Variants in CYB5R4 observed in about 807,000 individuals in gnomAD.
The protein encoded by CYB5R4 is N-terminal cytochrome b5 and cytochrome b5 oxidoreductase domain-containing protein.
A neutral mutation model predicts 70.2 loss-of-function variants in CYB5R4; 55 were observed. The observed-to-expected ratio is 0.78, with a 90% CI of 0.63 to 0.98. The LOEUF (loss-of-function observed/expected upper bound fraction) is 0.98, where lower values mean the gene tolerates loss of function less well. Among genes scored for constraint, CYB5R4 ranks in the 50% least tolerant of loss-of-function variants. CYB5R4 has a pLI of 0.00. For missense variants in CYB5R4, 562 were observed against 612.6 expected (o/e 0.92, Z 0.87); for synonymous variants, 197 against 199.5 (o/e 0.99, Z 0.11).
chr6:83,957,921 TGTG>T (rs983721480), intron 15 of CYB5R4, among the ~76,000 whole-genome samples: 2 of 152,178 alleles, frequency 1.3e-5, no homozygotes. Context: ...TCTTAATGGA[TGTG>T]GTGTATTTTT....
chr6:83,884,160 A>G (rs1302484294), intron 2 of CYB5R4, among the ~76,000 whole-genome samples: 1 of 151,912 alleles, frequency 6.6e-6, no homozygotes, highest in Non-Finnish European at 1.5e-5. Flanking sequence ...ATAGTTTATA[A>G]TAATTATCTA....
At chr6:83,891,239 G>C (rs560622831) in intron 2 of CYB5R4, among the ~76,000 whole-genome samples, 2 of 152,302 alleles carry the variant, frequency 1.3e-5, no homozygotes, top group South Asian at 4.2e-4. Flanking sequence ...AAGCCGCCAT[G>C]CCTGGCCTAA....
In CYB5R4 at chr6:83,937,475, G is replaced by A. The variant is rs188657609; in HGVS notation, c.1108+1099G>A. Among the ~76,000 whole-genome samples the A allele has an allele frequency of 6.6e-5, 10 of 152,158 alleles. No homozygotes were observed. In the East Asian group the frequency reaches 1.4e-3, roughly 21 times the overall value. ...ACTTATCTTTGTATTTCCACCACCTGGCATGGCAGTTGGTACATAATAGGC... is the reference window on the plus strand; with the variant it reads ...ACTTATCTTTGTATTTCCACCACCTAGCATGGCAGTTGGTACATAATAGGC... On this transcript the variant is annotated intron_variant, in intron 12 of 15. Coordinates refer to ENST00000369681, the MANE Select transcript of CYB5R4 (RefSeq NM_016230.4).
chr6:83,924,331 A>C, intron 9 of CYB5R4, 139 bp from the exon 10 acceptor site: 1 of 766,796 alleles, frequency 1.3e-6, no homozygotes, highest in Non-Finnish European at 2.0e-6. Flanking sequence ...ATATGTAAGC[A>C]AAATCTTATT....
At chr6:83,875,611 A>G (rs940956591) in intron 2 of CYB5R4, among the ~76,000 whole-genome samples, 13 of 152,192 alleles carry the variant, frequency 8.5e-5, no homozygotes, top group Admixed American at 8.5e-4. Context: ...AAGAAAGTAA[A>G]GTAGTGAAAG....
chr6:83,863,018 A>G (rs1051346918), intron 1 of CYB5R4, among the ~76,000 whole-genome samples: 12 of 152,246 alleles, frequency 7.9e-5, no homozygotes, highest in African/African-American at 2.9e-4. Context: ...GTCTGCTTTT[A>G]CATTAAACAT....
rs191174469 is a variant in CYB5R4 at position 83,910,083 on chromosome 6, T to C, written c.412+993T>C. 9 of 1,611,166 alleles carry C rather than the reference T, an allele frequency of 5.6e-6. No individual in the cohort carries two copies. In the Admixed American group the frequency reaches 1.5e-4, roughly 27 times the overall value. ...TTCATCCTAGGCAAACTCTGGCACC[T>C]GTAGAGCTGAGGATGGAGATAGACA... On this transcript the variant is annotated intron_variant, in intron 4 of 15. Coordinates refer to ENST00000369681, the MANE Select transcript of CYB5R4 (RefSeq NM_016230.4).
At chr6:83,865,235 A>C (rs888796269) in intron 2 of CYB5R4, among the ~76,000 whole-genome samples, 1 of 152,214 alleles carries the variant, frequency 6.6e-6, no homozygotes, top group African/African-American at 2.4e-5. Flanking sequence ...ACTTTTAAGA[A>C]GTATGGTCAC....
chr6:83,923,055 A>C (rs2099466661), intron 9 of CYB5R4, among the ~76,000 whole-genome samples: 1 of 151,922 alleles, frequency 6.6e-6, no homozygotes, highest in South Asian at 2.1e-4. Context: ...TTAAAAAAAA[A>C]AAAATCTGTC....
At chr6:83,869,258 A>C (rs932320102) in intron 2 of CYB5R4, among the ~76,000 whole-genome samples, 2 of 152,210 alleles carry the variant, frequency 1.3e-5, no homozygotes, top group African/African-American at 4.8e-5. Context: ...TTCTAGGTTC[A>C]TTTACAACAG....
chr6:83,905,112 C>T (rs778499791), intron 3 of CYB5R4, among the ~76,000 whole-genome samples: 2 of 151,944 alleles, frequency 1.3e-5, no homozygotes, highest in African/African-American at 2.4e-5. Flanking sequence ...TGGAGTGCAG[C>T]GGTGCAGCCT....
Position 83,965,013 on chromosome 6 carries a change from A to T in CYB5R4, c.*5135A>T, listed in dbSNP as rs1301921296. ...GGAACCTCTGTCTAGATTTCAGAAG[A>T]TGTATGGAAATGCCTGGATGCCCAG... On this transcript the variant is annotated 3_prime_UTR_variant, in exon 16 of 16. Coordinates refer to ENST00000369681, the MANE Select transcript of CYB5R4 (RefSeq NM_016230.4). 5 of 152,216 alleles carry T rather than the reference A, an allele frequency of 3.3e-5. No individual in the cohort carries two copies. In the East Asian group the frequency reaches 9.6e-4, roughly 29 times the overall value. 9.4% of individuals were successfully genotyped at this position (152,216 alleles called of 1,614,324 possible).
At chr6:83,936,154 G>C (rs1427035081) in intron 11 of CYB5R4, 70 bp from the exon 12 acceptor site, 1 of 1,145,428 alleles carries the variant, frequency 8.7e-7, no homozygotes, top group East Asian at 2.5e-5. Context: ...TCAAAATTTG[G>C]ATGTTTCATT....
intron 2 of CYB5R4, among the ~76,000 whole-genome samples, chr6:83,876,655 C>CT (rs1484949875): frequency 6.6e-6 from 1 of 151,854 alleles, no homozygotes; most frequent in African/African-American, 2.4e-5. Flanking sequence ...TGTTGTTATT[C>CT]ATTTTACTTC....
chr6:83,958,629 ATAC>A (rs1051847008), intron 15 of CYB5R4, among the ~76,000 whole-genome samples: 2 of 152,148 alleles, frequency 1.3e-5, no homozygotes, highest in Admixed American at 1.3e-4. Context: ...ATGGGCCCAG[ATAC>A]TGAGAGGCTT....
intron 3 of CYB5R4, among the ~76,000 whole-genome samples, chr6:83,903,162 A>G (rs1050839993): frequency 1.3e-5 from 2 of 152,050 alleles, no homozygotes; most frequent in African/African-American, 4.8e-5. Flanking sequence ...GGTTTGTCAT[A>G]TATGGCCTTT....
intron 3 of CYB5R4, among the ~76,000 whole-genome samples, chr6:83,898,165 T>C (rs1015346643): frequency 2.6e-5 from 4 of 152,222 alleles, no homozygotes; most frequent in African/African-American, 9.6e-5. Flanking sequence ...GGGGTCCAGT[T>C]TCAGCTTTCT....
At position 83,914,410 on chromosome 6, in the gene CYB5R4, A is replaced by G. The variant is rs368306722; in HGVS notation, c.413-6A>G. 241 of 1,535,510 alleles carry G rather than the reference A, an allele frequency of 1.6e-4. No individual in the cohort carries two copies. The highest frequency in any genetic ancestry group is 1.9e-4 in the Non-Finnish European group (214 of 1,127,762). On this transcript the variant is annotated splice_polypyrimidine_tract_variant and splice_region_variant and intron_variant, in intron 4 of 15. Transcript: ENST00000369681. ...ATTTGACTTTTTTTTCTAAATCACT[A>G]TACAGACTATCGTGAGGAGGAAAAG... is the stretch of plus-strand genomic sequence containing the variant.
intron 11 of CYB5R4, among the ~76,000 whole-genome samples, chr6:83,935,865 T>TA (rs2099468839): frequency 6.6e-6 from 1 of 152,106 alleles, no homozygotes; most frequent in South Asian, 2.1e-4. Flanking sequence ...AGTTTTTTTT[T>TA]ACATCTCCAT....
Sources: allele counts gnomAD v4.1 joint callset (sites outside exome capture counted in the v4.1 genomes callset), GRCh38; gene constraint gnomAD v4.1.1; transcripts MANE v1.5; gene names NCBI Gene and HGNC (gene_info 2026-07-23, HGNC 2026-07-21).